DOP1B: variants seen among roughly 807,000 people sequenced by gnomAD.
DOP1B encodes the protein DOP1 leucine zipper like protein B, also known as protein DOP1B.
In DOP1B, 174 loss-of-function variants were observed where a neutral mutation model predicts 233.5. The ratio of observed to expected loss-of-function variants is 0.75; its 90% CI spans 0.66 to 0.85. The LOEUF is 0.85. Among genes scored for constraint, DOP1B ranks in the 40% least tolerant of loss-of-function variants. The probability of loss-of-function intolerance (pLI) is 0.00; values close to 1 mark genes in which losing one functional copy is unlikely to be tolerated. For missense variants in DOP1B, 2,652 were observed against 2,846.6 expected, an observed-to-expected ratio of 0.93 and a Z score of 1.56; for synonymous variants, 1,190 against 1,185.6, an observed-to-expected ratio of 1.00 and a Z score of -0.08.
At chr21:36,187,205 C>T (rs1274298650) in intron 2 of DOP1B, among the ~76,000 whole-genome samples, 1 of 146,918 alleles carries the variant, frequency 6.8e-6, no homozygotes, top group Non-Finnish European at 1.5e-5. Context: ...CCCTCCCCTC[C>T]CTTCCCCTCC....
rs771316065 is a variant in DOP1B at position 36,232,913 on chromosome 21, G to A, written c.2460G>A (p.Val820=). The A allele has an allele frequency of 6.2e-7, 1 of 1,614,082 alleles. No individual in the cohort carries two copies. Among genetic ancestry groups the A allele is most frequent in the Non-Finnish European group, 8.5e-7 (1 of 1,180,018 alleles). The change falls in exon 15 of 37, where the codon GTG becomes GTA. Residue 820 remains valine (V), a synonymous_variant. Coordinates refer to ENST00000691173, the MANE Select transcript of DOP1B (RefSeq NM_001320714.2). ...QNVAISTLLE[V]INHSQSLALV... is the part of the protein sequence containing the mutation. ...TGGCCATTTCCACTCTGCTGGAAGT[G>A]ATAAACCATTCCCAGTCCCTGGCGC...
Position 36,225,597 on chromosome 21 carries a change from G to A in DOP1B, c.1403G>A (p.Ser468Asn), listed in dbSNP as rs1470051205. Residue 468 changes from serine to asparagine, a missense_variant, in exon 12 of 37, where the codon AGC (serine) becomes AAC (asparagine). By Grantham distance (46) the Ser-to-Asn change is conservative. Around this residue, in one of 3 missense-constraint regions of DOP1B, gnomAD observed 2,617 missense variants for 2,794.3 expected, o/e 0.94. Transcript: ENST00000691173. ...PVKQRYSVRN[S>N]VSPPPTVSEL... Reference sequence around the variant, plus strand: ...AAGCAGCGTTACAGCGTGAGGAACAGCGTCAGCCCTCCCCCCACGGTCTCG... The same window carrying A: ...AAGCAGCGTTACAGCGTGAGGAACAACGTCAGCCCTCCCCCCACGGTCTCG... 4 of 1,614,006 alleles carry A rather than the reference G, an allele frequency of 2.5e-6. No individual in the cohort carries two copies. The East Asian group carries it at 6.7e-5, about 27-fold the overall frequency.
intron 2 of DOP1B, chr21:36,169,592 G>T: frequency 9.9e-7 from 1 of 1,006,682 alleles, no homozygotes; most frequent in Non-Finnish European, 1.6e-6. Context: ...CCCCTCCTGG[G>T]CTCAGTCCAG....
At chr21:36,264,665 C>G (rs35419558) in intron 26 of DOP1B, among the ~76,000 whole-genome samples, 85,490 of 151,496 alleles carry the variant, frequency 0.56, 24,548 homozygotes, top group African/African-American at 0.66. Flanking sequence ...TAGAGGCGGG[C>G]TTTCTCCATG....
chr21:36,165,670 G>A (rs942347544), intron 2 of DOP1B, among the ~76,000 whole-genome samples: 46 of 151,902 alleles, frequency 3.0e-4, no homozygotes, highest in African/African-American at 1.1e-3. Flanking sequence ...AAACCCTATC[G>A]TGAACTGCAC....
chr21:36,177,662 G>C (rs1257278182), intron 2 of DOP1B, among the ~76,000 whole-genome samples: 1 of 152,116 alleles, frequency 6.6e-6, no homozygotes, highest in Non-Finnish European at 1.5e-5. Context: ...GTTATCCTGG[G>C]TGAGGAACTG....
chr21:36,251,230 G>T lies in DOP1B; in HGVS notation c.5067G>T (p.Ala1689=). Residue 1689 remains alanine (A), a synonymous_variant, in exon 22 of 37, where the codon GCG becomes GCT. Transcript: ENST00000691173. ...CCCATCTTGGGGTTCAGTTGACAGC[G>T]GCTGTTGCGGCAGTGTGGAGCAGAA... ...LTAHLGVQLT[A]AVAAVWSRKK... is the part of the protein sequence containing the mutation. 1 of 1,613,924 alleles carries T rather than the reference G, an allele frequency of 6.2e-7. No homozygotes were observed. The highest frequency in any genetic ancestry group is 8.5e-7 in the Non-Finnish European group (1 of 1,179,968).
intron 26 of DOP1B, 84 bp from the exon 27 acceptor site, chr21:36,269,929 T>A: frequency 7.0e-7 from 1 of 1,425,674 alleles, no homozygotes; most frequent in Non-Finnish European, 9.7e-7. Flanking sequence ...CTGCATTTTA[T>A]TTCTACTGGA....
intron 15 of DOP1B, 136 bp downstream of exon 15, chr21:36,233,211 T>C: frequency 8.4e-7 from 1 of 1,188,736 alleles, no homozygotes; most frequent in South Asian, 1.6e-5. Flanking sequence ...GCAGAGGCAG[T>C]AGCCTTTGGT....
chr21:36,259,548 T>C (rs1335012674), intron 23 of DOP1B, among the ~76,000 whole-genome samples: 2 of 152,148 alleles, frequency 1.3e-5, no homozygotes, highest in Non-Finnish European at 2.9e-5. Flanking sequence ...TCCGGGATTA[T>C]AGGTGTGAGC....
intron 2 of DOP1B, among the ~76,000 whole-genome samples, chr21:36,176,994 G>T (rs1173183232): frequency 1.3e-5 from 2 of 152,010 alleles, no homozygotes; most frequent in Non-Finnish European, 2.9e-5. Flanking sequence ...AATTTTTTTT[G>T]TATTTTTTGT....
chr21:36,205,280 G>A (rs1248887055), intron 4 of DOP1B, among the ~76,000 whole-genome samples: 6 of 152,174 alleles, frequency 3.9e-5, no homozygotes, highest in African/African-American at 7.2e-5. Context: ...AAGGAGCTGC[G>A]TTTGCAGGAG....
chr21:36,202,804 G>A (rs561117295), intron 4 of DOP1B, among the ~76,000 whole-genome samples: 1 of 152,256 alleles, frequency 6.6e-6, no homozygotes, highest in East Asian at 1.9e-4. Flanking sequence ...TACACGGTGA[G>A]ACTCGGTAAG....
intron 24 of DOP1B, 99 bp from the exon 25 acceptor site, chr21:36,263,447 C>CCTTTG (rs1291609508): frequency 1.0e-6 from 1 of 997,916 alleles, no homozygotes. Flanking sequence ...TGCTGTTTAC[C>CCTTTG]CTTTGCTTTC....
chr21:36,225,467 A>G, intron 11 of DOP1B, 98 bp from the exon 12 acceptor site: 1 of 1,331,158 alleles, frequency 7.5e-7, no homozygotes. Context: ...CTGAGCTCAG[A>G]CAGTCCACCC....
Position 36,292,256 on chromosome 21 carries a change from C to CTTTTTT in DOP1B, c.6645+33_6645+38dup, listed in dbSNP as rs55884666. ...GGGGTAAGTGCTTTTCTTTTCTTTT[C>CTTTTTT]TTTTTTTTTTTTTTTGGTGAGACAG... On this transcript the variant is annotated intron_variant, in intron 36 of 36. Transcript: ENST00000691173. The CTTTTTT allele has an allele frequency of 1.3e-4, 170 of 1,335,276 alleles. 1 individual carries two copies. Among genetic ancestry groups the CTTTTTT allele is most frequent in the South Asian group, 3.8e-4 (25 of 65,720 alleles). 82.7% of individuals were successfully genotyped at this position (1,335,276 alleles called of 1,614,324 possible). A position where few individuals can be genotyped will look rare whatever the true frequency, so the allele number is the denominator to read the frequency against.
At chr21:36,195,835 T>A (rs2066285129) in intron 2 of DOP1B, among the ~76,000 whole-genome samples, 1 of 152,260 alleles carries the variant, frequency 6.6e-6, no homozygotes, top group Non-Finnish European at 1.5e-5. Flanking sequence ...ATGGTTTATT[T>A]CTGCCTTACT....
chr21:36,290,882 A>G (rs2067548650), intron 35 of DOP1B, among the ~76,000 whole-genome samples: 1 of 151,920 alleles, frequency 6.6e-6, no homozygotes. Flanking sequence ...AGGAAGGAGA[A>G]TCACTTGAAC....
At chr21:36,225,142 A>G (rs1282375147) in intron 11 of DOP1B, among the ~76,000 whole-genome samples, 1 of 152,214 alleles carries the variant, frequency 6.6e-6, no homozygotes, top group Admixed American at 6.5e-5. Flanking sequence ...TATGAGAACT[A>G]CAAAAGCTGC....
Sources: allele counts gnomAD v4.1 joint callset (sites outside exome capture counted in the v4.1 genomes callset), GRCh38; gene constraint gnomAD v4.1.1; regional missense constraint gnomAD v4.1.1; transcripts MANE v1.5; gene names NCBI Gene and HGNC (gene_info 2026-07-23, HGNC 2026-07-21).